ADAM22: variants seen among roughly 807,000 people sequenced by gnomAD.
ADAM22 encodes the protein ADAM metallopeptidase domain 22.
A neutral mutation model predicts 144.6 loss-of-function variants in ADAM22; 65 were observed. That is an observed-to-expected ratio of 0.45 (90% CI 0.37 to 0.55). The LOEUF (loss-of-function observed/expected upper bound fraction) is 0.55, where lower values mean the gene tolerates loss of function less well. ADAM22 is among the 20% of genes least tolerant of loss of function. The pLI is 0.00. For synonymous variants in ADAM22, 391 were observed against 412.6 expected, an observed-to-expected ratio of 0.95 and a Z score of 0.63; for missense variants, 974 against 1,184.9, an observed-to-expected ratio of 0.82 and a Z score of 2.61.
chr7:88,093,788 C>T (rs1316771735), intron 4 of ADAM22, among the ~76,000 whole-genome samples: 2 of 152,166 alleles, frequency 1.3e-5, no homozygotes, highest in African/African-American at 4.8e-5. Context: ...ATCTACCTGC[C>T]TCAGTCTCCC....
chr7:88,029,310 G>A (rs1799710651), intron 3 of ADAM22, among the ~76,000 whole-genome samples: 1 of 152,070 alleles, frequency 6.6e-6, no homozygotes, highest in Non-Finnish European at 1.5e-5. Context: ...ATTTTAAACT[G>A]ATGCCAACTT....
At chr7:87,963,187 A>G in intron 2 of ADAM22, among the ~76,000 whole-genome samples, 1 of 152,104 alleles carries the variant, frequency 6.6e-6, no homozygotes, top group East Asian at 1.9e-4. Flanking sequence ...TGAGGCATGC[A>G]GGGAAGGCCA....
At chr7:87,937,046 CT>C (rs1284942954) in intron 2 of ADAM22, among the ~76,000 whole-genome samples, 3 of 152,174 alleles carry the variant, frequency 2.0e-5, no homozygotes, top group Non-Finnish European at 4.4e-5. Context: ...GCCTTGACCT[CT>C]TGGGCCCCAG....
chr7:87,965,310 C>G (rs1472369672), intron 2 of ADAM22, among the ~76,000 whole-genome samples: 1 of 152,130 alleles, frequency 6.6e-6, no homozygotes, highest in Non-Finnish European at 1.5e-5. Context: ...TCTTTTTTAG[C>G]AGGTACTTTG....
chr7:88,083,804 G>T (rs1029263330), intron 4 of ADAM22, among the ~76,000 whole-genome samples: 2 of 152,044 alleles, frequency 1.3e-5, no homozygotes, highest in African/African-American at 4.8e-5. Context: ...CGGAACTGAA[G>T]ATTGGTGAAT....
intron 27 of ADAM22, among the ~76,000 whole-genome samples, chr7:88,179,663 ATATAT>A (rs1289143394): frequency 3.9e-5 from 6 of 151,972 alleles, no homozygotes; most frequent in South Asian, 2.1e-4. Context: ...GGTGGGATTA[ATATAT>A]TATTTATGTC....
At chr7:88,015,107 G>GA (rs1455713528) in intron 3 of ADAM22, among the ~76,000 whole-genome samples, 3 of 152,086 alleles carry the variant, frequency 2.0e-5, no homozygotes. Flanking sequence ...TTAATAAAGA[G>GA]AAAAAGAAAT....
chr7:88,098,509 T>G (rs1335611918), intron 4 of ADAM22, among the ~76,000 whole-genome samples: 1 of 152,112 alleles, frequency 6.6e-6, no homozygotes, highest in Non-Finnish European at 1.5e-5. Flanking sequence ...GTAATCAAGT[T>G]AAGAGGAAGT....
intron 7 of ADAM22, among the ~76,000 whole-genome samples, chr7:88,125,153 T>A (rs560105206): frequency 6.6e-6 from 1 of 151,968 alleles, no homozygotes; most frequent in African/African-American, 2.4e-5. Flanking sequence ...TTGGAAAAAA[T>A]TAGCTCAAAA....
rs556781638 is a variant in ADAM22 at position 88,052,431 on chromosome 7, C to T, written c.324-23195C>T. Among the ~76,000 whole-genome samples, 12 of 151,208 alleles carry T rather than the reference C, an allele frequency of 7.9e-5. No homozygotes were observed. In the East Asian group the frequency reaches 1.9e-3, roughly 24 times the overall value. The stretch of plus-strand genomic sequence containing the variant: ...GGCAGAGGCAGGAGAACCCGGGAGG[C>T]GTAACTTGCAGTCAGCGGAGATCAC... On this transcript the variant is annotated intron_variant, in intron 3 of 31. Coordinates refer to ENST00000413139, the MANE Select transcript of ADAM22 (RefSeq NM_001324418.2).
At chr7:87,940,255 A>T (rs1289002493) in intron 2 of ADAM22, among the ~76,000 whole-genome samples, 1 of 151,784 alleles carries the variant, frequency 6.6e-6, no homozygotes, top group Non-Finnish European at 1.5e-5. Flanking sequence ...TCTGATCAGT[A>T]TGCATTGTAT....
intron 31 of ADAM22, among the ~76,000 whole-genome samples, chr7:88,195,578 C>T (rs925369587): frequency 5.9e-5 from 9 of 152,084 alleles, no homozygotes; most frequent in Admixed American, 1.3e-4. Context: ...TGCAATGTCG[C>T]GATCTCGGCT....
At chr7:88,188,656 G>A (rs1848888196) in intron 30 of ADAM22, among the ~76,000 whole-genome samples, 1 of 152,182 alleles carries the variant, frequency 6.6e-6, no homozygotes, top group South Asian at 2.1e-4. Context: ...AGATGGCCCA[G>A]AACGTTTAAC....
In ADAM22 at chr7:88,121,482, C is replaced by A. The variant is rs572611763; in HGVS notation, c.608-4107C>A. On this transcript the variant is annotated intron_variant, in intron 7 of 31. Transcript: ENST00000413139. ...CCTCATAATTTCTGAGAATCAGGAACCTGGGTGTGGTTTAGCTGGGTGCCT... is the reference window on the plus strand; with the variant it reads ...CCTCATAATTTCTGAGAATCAGGAAACTGGGTGTGGTTTAGCTGGGTGCCT... Among the ~76,000 whole-genome samples, 19 of 152,254 alleles carry A rather than the reference C, an allele frequency of 1.2e-4. No individual in the cohort carries two copies. The South Asian group carries it at 3.1e-3, about 25-fold the overall frequency.
chr7:88,084,781 A>G lies in ADAM22; in HGVS notation c.390+9089A>G, dbSNP rs548626816. Among the ~76,000 whole-genome samples, 17 of 152,336 alleles carry G rather than the reference A, an allele frequency of 1.1e-4. No homozygotes were observed. In the South Asian group the frequency reaches 3.3e-3, roughly 30 times the overall value. On this transcript the variant is annotated intron_variant, in intron 4 of 31. Coordinates refer to ENST00000413139, the MANE Select transcript of ADAM22 (RefSeq NM_001324418.2). The stretch of plus-strand genomic sequence containing the variant: ...TCTTTACCTTCCATGTTAGTTTGCT[A>G]AAGCTACCATAACAAAGTACCACAG...
At chr7:88,105,043 A>T (rs973578923) in intron 4 of ADAM22, among the ~76,000 whole-genome samples, 4 of 152,162 alleles carry the variant, frequency 2.6e-5, no homozygotes, top group Non-Finnish European at 2.9e-5. Flanking sequence ...TGCTTTTAAA[A>T]AATGAATTAT....
At chr7:88,132,040 C>T (rs35345233) in intron 11 of ADAM22, 11,126 of 151,938 alleles carry the variant, frequency 0.073, 517 homozygotes, top group Admixed American at 0.12. Flanking sequence ...ATTGCATATG[C>T]CCTCTATTCA....
chr7:88,133,922 A>G (rs1428044820), intron 12 of ADAM22, among the ~76,000 whole-genome samples: 1 of 152,212 alleles, frequency 6.6e-6, no homozygotes, highest in African/African-American at 2.4e-5. Context: ...CTTGAGGGGA[A>G]TTTCAGGATT....
intron 21 of ADAM22, among the ~76,000 whole-genome samples, chr7:88,155,486 C>T (rs934121694): frequency 1.3e-5 from 2 of 148,192 alleles, no homozygotes; most frequent in Non-Finnish European, 3.0e-5. Flanking sequence ...TACACCACTA[C>T]ACTCCAACTT....
Sources: gnomAD v4.1 joint callset for allele counts (sites outside exome capture counted in the v4.1 genomes callset) on GRCh38, gnomAD v4.1.1 for gene constraint, MANE v1.5 for transcripts, NCBI Gene and HGNC (gene_info 2026-07-23, HGNC 2026-07-21) for gene names.